Variants in SLC15A5 observed in about 807,000 individuals in gnomAD.
The protein encoded by SLC15A5 is Peptide/histidine transporter ENSP00000340402.
In SLC15A5, 58 loss-of-function variants were observed where a neutral mutation model predicts 56.1. That is an observed-to-expected ratio of 1.03 (90% confidence interval 0.84 to 1.29). The LOEUF is 1.29. SLC15A5 is among the 50% of genes most tolerant of loss of function. SLC15A5 has a pLI of 0.00. For synonymous variants in SLC15A5, 264 were observed against 250.5 expected, an observed-to-expected ratio of 1.05 and a Z score of -0.51; for missense variants, 681 against 672.1, an observed-to-expected ratio of 1.01 and a Z score of -0.15.
chr12:16,258,313 G>A (rs1864598210), intron 2 of SLC15A5, among the ~76,000 whole-genome samples: 1 of 152,078 alleles, frequency 6.6e-6, no homozygotes, highest in Admixed American at 6.5e-5. Flanking sequence ...TCAAAGTATA[G>A]GAAAACACAA....
intron 3 of SLC15A5, among the ~76,000 whole-genome samples, chr12:16,248,340 C>T (rs1864483760): frequency 1.3e-5 from 2 of 152,032 alleles, no homozygotes; most frequent in South Asian, 4.2e-4. Context: ...GGAAAGAGGG[C>T]AGGAAGAGAA....
chr12:16,196,282 C>T lies in SLC15A5; in HGVS notation c.1484-1829G>A. On this transcript the variant is annotated intron_variant, in intron 7 of 8. Transcript: ENST00000344941. The surrounding 1 kb of genome is among the most constrained non-coding windows in gnomAD (Gnocchi z 4.0). ...TGCTACAGTTACATGATGCCTGTATCTGGTGTTTAGATGAGTAAATGAAGT... is the reference window on the plus strand; with the variant it reads ...TGCTACAGTTACATGATGCCTGTATTTGGTGTTTAGATGAGTAAATGAAGT... Among the ~76,000 whole-genome samples, 1 of 151,926 alleles carries T rather than the reference C, an allele frequency of 6.6e-6. No homozygotes were observed. Among genetic ancestry groups the T allele is most frequent in the Non-Finnish European group, 1.5e-5 (1 of 67,962 alleles).
In SLC15A5 at chr12:16,235,332, G is replaced by A. The variant is rs982853151; in HGVS notation, c.1162+4349C>T. ...TATATGTATATATGTATATGTATATGTACATATATATGACCTTCTATCTTT... is the reference window on the plus strand; with the variant it reads ...TATATGTATATATGTATATGTATATATACATATATATGACCTTCTATCTTT... On this transcript the variant is annotated intron_variant, in intron 5 of 8. Coordinates refer to ENST00000344941, the MANE Select transcript of SLC15A5 (RefSeq NM_001170798.1). The surrounding 1 kb of genome is among the most constrained non-coding windows in gnomAD (Gnocchi z 4.1). Among the ~76,000 whole-genome samples the A allele has an allele frequency of 7.4e-5, 11 of 149,320 alleles. No homozygotes were observed. The highest frequency in any genetic ancestry group is 2.7e-4 in the African/African-American group (11 of 40,770).
chr12:16,262,130 T>A (rs978583979), intron 2 of SLC15A5, among the ~76,000 whole-genome samples: 4 of 152,252 alleles, frequency 2.6e-5, no homozygotes, highest in Non-Finnish European at 5.9e-5. Context: ...AAATGACTCA[T>A]CCAAATTCAC....
At chr12:16,202,984 G>A (rs138706447) in intron 7 of SLC15A5, among the ~76,000 whole-genome samples, 1,781 of 152,234 alleles carry the variant, frequency 0.012, 22 homozygotes, top group Middle Eastern at 0.054. Flanking sequence ...CTGGGTGGGG[G>A]AAGGGGAAAT....
intron 3 of SLC15A5, among the ~76,000 whole-genome samples, chr12:16,251,425 TAAC>T (rs979274315): frequency 8.6e-5 from 13 of 151,616 alleles, no homozygotes; most frequent in South Asian, 2.1e-4. Context: ...TTAAAAAAAT[TAAC>T]AAACCCTTAT....
chr12:16,249,948 G>T (rs867378044), intron 3 of SLC15A5, among the ~76,000 whole-genome samples: 1 of 151,786 alleles, frequency 6.6e-6, no homozygotes, highest in African/African-American at 2.4e-5. Context: ...CATATTGACC[G>T]CATTCTATAG....
At chr12:16,244,895 G>A in intron 3 of SLC15A5, 95 bp from the exon 4 acceptor site, 2 of 1,314,400 alleles carry the variant, frequency 1.5e-6, no homozygotes, top group Admixed American at 2.3e-5. Flanking sequence ...AGGATTCACG[G>A]CAGTGAAGTG....
chr12:16,195,326 C>T (rs1208079907), intron 7 of SLC15A5, among the ~76,000 whole-genome samples: 1 of 151,896 alleles, frequency 6.6e-6, no homozygotes, highest in Non-Finnish European at 1.5e-5. Context: ...ATATAATGCA[C>T]TATTTTATGA....
At chr12:16,222,448 C>T (rs1864197386) in intron 6 of SLC15A5, among the ~76,000 whole-genome samples, 1 of 150,378 alleles carries the variant, frequency 6.6e-6, no homozygotes, top group Non-Finnish European at 1.5e-5. Context: ...GATGCTTACC[C>T]TATCAATGCT....
At chr12:16,226,151 C>G (rs977729318) in intron 5 of SLC15A5, among the ~76,000 whole-genome samples, 3 of 152,214 alleles carry the variant, frequency 2.0e-5, no homozygotes, top group Non-Finnish European at 4.4e-5. Context: ...TTTATTTGCA[C>G]ATAACCTATG....
chr12:16,259,518 G>GTC (rs1864618036), intron 2 of SLC15A5, among the ~76,000 whole-genome samples: 2 of 152,082 alleles, frequency 1.3e-5, no homozygotes, highest in Non-Finnish European at 2.9e-5. Flanking sequence ...GAATATTGAA[G>GTC]GTTTGAGAAG....
At chr12:16,238,692 C>A (rs1198481903) in intron 5 of SLC15A5, among the ~76,000 whole-genome samples, 1 of 151,116 alleles carries the variant, frequency 6.6e-6, no homozygotes, top group African/African-American at 2.4e-5. Context: ...ATATGCCTGA[C>A]CTTGACTATT....
At chr12:16,206,890 A>G (rs1451202832) in intron 7 of SLC15A5, among the ~76,000 whole-genome samples, 2 of 152,170 alleles carry the variant, frequency 1.3e-5, no homozygotes, top group African/African-American at 4.8e-5. Context: ...ATTTGGCATA[A>G]CTAGCTTTCT....
At chr12:16,270,781 C>CA (rs1864745502) in intron 2 of SLC15A5, among the ~76,000 whole-genome samples, 2 of 152,124 alleles carry the variant, frequency 1.3e-5, no homozygotes, top group East Asian at 3.9e-4. Context: ...TTGTCACCAG[C>CA]CCCCGCACTG....
intron 2 of SLC15A5, among the ~76,000 whole-genome samples, chr12:16,267,020 A>G (rs1225413845): frequency 2.6e-5 from 4 of 152,212 alleles, no homozygotes; most frequent in Non-Finnish European, 5.9e-5. Context: ...TTTAGTAATA[A>G]ATTTAAATTA....
At chr12:16,216,765 A>G (rs1864133213) in intron 7 of SLC15A5, 128 bp downstream of exon 7, 9 of 782,244 alleles carry the variant, frequency 1.2e-5, no homozygotes, top group Non-Finnish European at 1.7e-5. Flanking sequence ...TCTTAATTCT[A>G]TCTTAATTGC....
At chr12:16,217,399 A>T (rs1379486796) in intron 6 of SLC15A5, among the ~76,000 whole-genome samples, 1 of 152,188 alleles carries the variant, frequency 6.6e-6, no homozygotes. Context: ...TGTGTAATTC[A>T]TTAAGTTCCT....
intron 5 of SLC15A5, among the ~76,000 whole-genome samples, chr12:16,232,018 A>G (rs921687961): frequency 6.6e-6 from 1 of 152,248 alleles, no homozygotes. Context: ...GTACAAAGTC[A>G]TATCATCCTG....
Sources: allele counts gnomAD v4.1 joint callset (sites outside exome capture counted in the v4.1 genomes callset), GRCh38; gene constraint gnomAD v4.1.1; non-coding constraint Gnocchi (gnomAD v3.1); transcripts MANE v1.5; gene names NCBI Gene and HGNC (gene_info 2026-07-23, HGNC 2026-07-21).